HECTD2: variants seen among roughly 807,000 people sequenced by gnomAD.
HECTD2 encodes probable E3 ubiquitin-protein ligase HECTD2.
HECTD2 carries 35 observed loss-of-function variants against 103.2 expected under a neutral mutation model. The observed-to-expected ratio is 0.34, with a 90% CI of 0.26 to 0.45. The LOEUF is 0.45. Ranked by LOEUF, HECTD2 falls within the 20% of genes least tolerant of loss-of-function variation. The pLI, the probability that HECTD2 is intolerant of heterozygous loss-of-function variation, is 1.00. For missense variants in HECTD2, 596 were observed against 937.4 expected, an observed-to-expected ratio of 0.64 and a Z score of 4.76; for synonymous variants, 281 against 329.9, an observed-to-expected ratio of 0.85 and a Z score of 1.61.
At chr10:91,432,826 A>G (rs7342052) in intron 2 of HECTD2, among the ~76,000 whole-genome samples, 30,483 of 151,874 alleles carry the variant, frequency 0.2, 7,262 homozygotes, top group African/African-American at 0.58. Flanking sequence ...TACACCCCCT[A>G]GAGAAAAGCA....
intron 2 of HECTD2, among the ~76,000 whole-genome samples, chr10:91,456,483 C>T (rs180710624): frequency 2.0e-5 from 3 of 152,212 alleles, no homozygotes; most frequent in East Asian, 1.9e-4. Context: ...TGGGCTGAGA[C>T]GATGGGTTTT....
At position 91,469,248 on chromosome 10, in the gene HECTD2, A is replaced by G. The variant is rs144083028; in HGVS notation, c.600+7064A>G. 3.4e-3 allele frequency among the ~76,000 whole-genome samples: 522 copies of G among 152,304 alleles called. 3 individuals carry two copies. Among genetic ancestry groups the G allele is most frequent in the South Asian group, 7.1e-3 (34 of 4,822 alleles). On this transcript the variant is annotated intron_variant, in intron 5 of 20. Coordinates refer to ENST00000298068, the MANE Select transcript of HECTD2 (RefSeq NM_182765.6). Reference sequence around the variant, plus strand: ...GAGAAGCCAACATTCAAATTCAGGAAATTCAGAGAACCCCTGCAATATGCA... The same window carrying G: ...GAGAAGCCAACATTCAAATTCAGGAGATTCAGAGAACCCCTGCAATATGCA...
chr10:91,499,240 C>T, intron 18 of HECTD2, 90 bp downstream of exon 18: 1 of 667,814 alleles, frequency 1.5e-6, no homozygotes, highest in Non-Finnish European at 2.5e-6. Context: ...AGTAGATAAG[C>T]TTTTAAAATA....
Position 91,496,448 on chromosome 10 carries a change from A to C in HECTD2, c.1680+76A>C. The C allele has an allele frequency of 4.1e-6, 4 of 965,392 alleles. No homozygotes were observed. The South Asian group carries it at 7.2e-5, about 17-fold the overall frequency. 59.8% of individuals were successfully genotyped at this position (965,392 alleles called of 1,614,324 possible). A position where few individuals can be genotyped will look rare whatever the true frequency, so the allele number is the denominator to read the frequency against. On this transcript the variant is annotated intron_variant, in intron 15 of 20. Transcript: ENST00000298068. ...TTCTACCTGCACAGTCTCTCCTCCT[A>C]ATGCTATTCTTACTTTTAAATATGG...
At chr10:91,449,818 AAAGT>A (rs200671325) in intron 2 of HECTD2, among the ~76,000 whole-genome samples, 4,600 of 152,238 alleles carry the variant, frequency 0.03, 255 homozygotes, top group African/African-American at 0.1. Context: ...TACAACTTAC[AAAGT>A]ATGTGAAGGA....
chr10:91,488,984 A>T (rs1846365851), intron 11 of HECTD2: 1 of 152,172 alleles, frequency 6.6e-6, no homozygotes. Flanking sequence ...GTACTCGTAC[A>T]ATGTCATGTG....
chr10:91,485,404 A>G, intron 10 of HECTD2, 101 bp downstream of exon 10: 2 of 789,650 alleles, frequency 2.5e-6, no homozygotes, highest in Non-Finnish European at 4.0e-6. Flanking sequence ...ACGTTTACAT[A>G]TAAATGTATA....
intron 3 of HECTD2, 131 bp downstream of exon 3, chr10:91,460,696 T>A: frequency 1.3e-6 from 1 of 759,996 alleles, no homozygotes; most frequent in Non-Finnish European, 1.9e-6. Flanking sequence ...CTCAAAAGAC[T>A]ATATGTCTCA....
chr10:91,417,762 T>A (rs933856140), intron 1 of HECTD2, among the ~76,000 whole-genome samples: 4 of 152,132 alleles, frequency 2.6e-5, no homozygotes, highest in Non-Finnish European at 5.9e-5. Flanking sequence ...ATCCAGTCTA[T>A]CATTGTTGGA....
At chr10:91,496,192 G>C (rs1233873183) in intron 14 of HECTD2, 22 bp from the exon 15 acceptor site, 1 of 1,551,602 alleles carries the variant, frequency 6.4e-7, no homozygotes. Context: ...TTATGTTAAT[G>C]CTTAACATTT....
intron 1 of HECTD2, among the ~76,000 whole-genome samples, chr10:91,412,908 A>C (rs1842982375): frequency 6.6e-6 from 1 of 151,924 alleles, no homozygotes; most frequent in African/African-American, 2.4e-5. Context: ...TGGGCAGGGA[A>C]ATACAGCTTG....
At chr10:91,431,548 G>A (rs568529403) in intron 2 of HECTD2, among the ~76,000 whole-genome samples, 5 of 152,036 alleles carry the variant, frequency 3.3e-5, no homozygotes, top group Non-Finnish European at 7.4e-5. Context: ...TGTTCACATC[G>A]TCCCATATTT....
At chr10:91,431,605 C>G (rs1843874001) in intron 2 of HECTD2, among the ~76,000 whole-genome samples, 1 of 151,894 alleles carries the variant, frequency 6.6e-6, no homozygotes, top group African/African-American at 2.4e-5. Context: ...CTCTAAACTT[C>G]CCTTCTCACT....
intron 20 of HECTD2, among the ~76,000 whole-genome samples, chr10:91,508,705 G>T (rs11498672): frequency 6.9e-6 from 1 of 144,036 alleles, no homozygotes; most frequent in South Asian, 2.1e-4. Context: ...CCATTGTGGA[G>T]GTCAGTGTGG....
In HECTD2 at chr10:91,410,378, G is replaced by GCCAGCC. The variant is rs1393141056; in HGVS notation, c.-55_-50dup. ...TCGCGGCCGCGGCGGCAGCAGCAGC[G>GCCAGCC]CCAGCCCCAGCAACACTGAGGCCGC... On this transcript the variant is annotated 5_prime_UTR_variant, in exon 1 of 21. Transcript: ENST00000298068. 5 of 1,145,314 alleles carry GCCAGCC rather than the reference G, an allele frequency of 4.4e-6. No individual in the cohort carries two copies. The East Asian group carries it at 1.4e-4, about 32-fold the overall frequency. The allele number at this position is 1,145,314 out of a possible 1,614,324, so 70.9% of individuals were successfully genotyped here.
intron 8 of HECTD2, among the ~76,000 whole-genome samples, 161 bp downstream of exon 8, chr10:91,483,237 C>T (rs1846157053): frequency 6.6e-6 from 1 of 151,936 alleles, no homozygotes. Context: ...TACTTTAGTA[C>T]TACATAAAGG....
intron 5 of HECTD2, chr10:91,463,116 G>A (rs932062916): frequency 6.6e-6 from 1 of 151,780 alleles, no homozygotes; most frequent in African/African-American, 2.4e-5. Context: ...AAAAATCTGT[G>A]TATAACTTTT....
chr10:91,439,461 T>G (rs1266580136), intron 2 of HECTD2, among the ~76,000 whole-genome samples: 4 of 152,194 alleles, frequency 2.6e-5, no homozygotes. Context: ...TTGGTACCAG[T>G]ATCATGCTGT....
rs988749345 is a variant in HECTD2, at chr10:91,501,050, C to T, written c.2067-141C>T. The stretch of plus-strand genomic sequence containing the variant: ...CAAAAGTCTAATACGTATATAGAAG[C>T]TCACCATTCCTTAATTTTACAGAAA... On this transcript the variant is annotated intron_variant, in intron 19 of 20. Coordinates refer to ENST00000298068, the MANE Select transcript of HECTD2 (RefSeq NM_182765.6). 1.7e-5 allele frequency: 11 copies of T among 636,050 alleles called. No homozygotes were observed. The East Asian group carries it at 3.2e-4, about 19-fold the overall frequency. The allele number at this position is 636,050 out of a possible 1,614,324, so 39.4% of individuals were successfully genotyped here.
Sources: allele counts gnomAD v4.1 joint callset (sites outside exome capture counted in the v4.1 genomes callset), GRCh38; gene constraint gnomAD v4.1.1; transcripts MANE v1.5; gene names NCBI Gene and HGNC (gene_info 2026-07-23, HGNC 2026-07-21).